Variants in TNNT3 observed in about 807,000 individuals in gnomAD.
TNNT3 encodes troponin T3, fast skeletal type.
TNNT3 carries 36 observed loss-of-function variants against 54.2 expected under a neutral mutation model. The observed-to-expected ratio is 0.66, with a 90% CI of 0.51 to 0.88. The LOEUF (loss-of-function observed/expected upper bound fraction) is 0.88, where lower values mean the gene tolerates loss of function less well. Ranked by LOEUF, TNNT3 falls within the 40% of genes least tolerant of loss-of-function variation. The probability of loss-of-function intolerance (pLI) is 0.00; values close to 1 mark genes in which losing one functional copy is unlikely to be tolerated. For missense variants in TNNT3, 291 were observed against 331.6 expected (o/e 0.88, Z 0.95); for synonymous variants, 120 against 109.7 (o/e 1.09, Z -0.59).
intron 8 of TNNT3, among the ~76,000 whole-genome samples, chr11:1,930,584 C>T (rs536015118): frequency 1.3e-5 from 2 of 152,306 alleles, no homozygotes; most frequent in African/African-American, 4.8e-5. Context: ...GCACTCGCTA[C>T]GTGATTCACC....
intron 3 of TNNT3, 26 bp from the exon 4 acceptor site, chr11:1,923,529 C>G: frequency 6.2e-7 from 1 of 1,613,898 alleles, no homozygotes; most frequent in South Asian, 1.1e-5. Context: ...TAACGTGGTT[C>G]CCCTCTTTGT....
intron 4 of TNNT3, chr11:1,924,858 G>T (rs905494872): frequency 1.8e-5 from 11 of 623,674 alleles, no homozygotes; most frequent in Non-Finnish European, 3.2e-5. Flanking sequence ...CCCCTCTCAG[G>T]GGCCGGGCCC....
At chr11:1,935,111 C>T (rs1854586873) in intron 14 of TNNT3, 192 bp downstream of exon 14, 3 of 665,460 alleles carry the variant, frequency 4.5e-6, no homozygotes, top group Non-Finnish European at 5.4e-6. Flanking sequence ...GGCCAGAGCC[C>T]GTCCTCCTGG....
chr11:1,936,880 C>A (rs1360325619), intron 14 of TNNT3, 83 bp from the exon 15 acceptor site: 2 of 1,462,470 alleles, frequency 1.4e-6, no homozygotes, highest in South Asian at 1.2e-5. Flanking sequence ...CCCAGCCCAC[C>A]CTGCGGTGGA....
Position 1,934,007 on chromosome 11 carries a change from C to T in TNNT3, c.365C>T (p.Ala122Val), listed in dbSNP as rs774521719. 13 of 1,611,474 alleles carry T rather than the reference C, an allele frequency of 8.1e-6. No individual in the cohort carries two copies. The highest frequency in any genetic ancestry group is 2.2e-5 in the East Asian group (1 of 44,876). Residue 122 changes from alanine to valine, a missense_variant and splice_region_variant, in exon 11 of 16, where the codon GCG becomes GTG. By Grantham distance (64) the Ala-to-Val change is moderately conservative (BLOSUM62 0). Coordinates refer to ENST00000278317, the MANE Select transcript of TNNT3 (RefSeq NM_006757.4). ...GAGAGGGAGCGCCAGAACAGACTGG[C>T]GGTGAGGGCACCATCCGCACTGCTG... ...EKERERQNRL[A>V]EEKARREEED...
intron 3 of TNNT3, 28 bp downstream of exon 3, chr11:1,923,089 C>T (rs1476357082): frequency 6.2e-7 from 1 of 1,613,906 alleles, no homozygotes; most frequent in Admixed American, 1.7e-5. Context: ...TTTCTTTCTA[C>T]TTCCTGCTCT....
chr11:1,931,063 C>T (rs2133397677), intron 8 of TNNT3, among the ~76,000 whole-genome samples: 1 of 152,312 alleles, frequency 6.6e-6, no homozygotes, highest in East Asian at 1.9e-4. Flanking sequence ...TCTCTACGGC[C>T]TTGAATTCTG....
chr11:1,926,527 G>A, intron 5 of TNNT3, 168 bp from the exon 6 acceptor site: 1 of 1,612,944 alleles, frequency 6.2e-7, no homozygotes, highest in Non-Finnish European at 8.5e-7. Context: ...TGGCCATGTG[G>A]GGGGTGCAGG....
At chr11:1,934,140 G>A (rs1186042116) in intron 11 of TNNT3, 132 bp downstream of exon 11, 15 of 1,163,216 alleles carry the variant, frequency 1.3e-5, no homozygotes, top group Non-Finnish European at 1.8e-5. Context: ...ACTGGCTAAG[G>A]CCCCGGCGCC....
chr11:1,925,122 T>C lies in TNNT3; in HGVS notation c.67+6T>C, dbSNP rs1851170587. The C allele has an allele frequency of 6.2e-7, 1 of 1,612,904 alleles. No individual in the cohort carries two copies. The highest frequency in any genetic ancestry group is 8.5e-7 in the Non-Finnish European group (1 of 1,179,856). On this transcript the variant is annotated splice_donor_region_variant and intron_variant, in intron 5 of 15. Transcript: ENST00000278317. ...AGAGGAAGCCCAGGAGGAAGGTAAG[T>C]GGGGTCCAAGGCCCCGGCCCCCATG...
At chr11:1,923,957 C>T (rs1289490925) in intron 4 of TNNT3, among the ~76,000 whole-genome samples, 1 of 146,516 alleles carries the variant, frequency 6.8e-6, no homozygotes, top group Non-Finnish European at 1.5e-5. Context: ...TGTCTCTCTG[C>T]CTCTCTCTCT....
Position 1,932,449 on chromosome 11 carries a change from C to A in TNNT3, c.126-20C>A. ...GGGTCTCCGGGTCTCTGCTCACGGG[C>A]CTCTCTGTCTCCTCTTCAGACTCAC... On this transcript the variant is annotated intron_variant, in intron 8 of 15. Coordinates refer to ENST00000278317, the MANE Select transcript of TNNT3 (RefSeq NM_006757.4). The A allele has an allele frequency of 6.2e-7, 1 of 1,613,218 alleles. No homozygotes were observed.
intron 5 of TNNT3, chr11:1,926,420 T>C: frequency 6.2e-7 from 1 of 1,612,792 alleles, no homozygotes; most frequent in Middle Eastern, 1.6e-4. Flanking sequence ...TCCATTGACC[T>C]CTGACCCGCG....
intron 14 of TNNT3, chr11:1,935,326 C>T (rs1854669141): frequency 9.1e-6 from 3 of 328,662 alleles, no homozygotes; most frequent in South Asian, 2.6e-5. Context: ...GGCGTCCTTT[C>T]GACAGAGCCT....
chr11:1,930,365 A>G (rs962694473), intron 8 of TNNT3, among the ~76,000 whole-genome samples: 1 of 152,148 alleles, frequency 6.6e-6, no homozygotes, highest in Non-Finnish European at 1.5e-5. Context: ...AAGTGGAGAA[A>G]GGTGGGGGAC....
At chr11:1,929,200 G>T in intron 7 of TNNT3, 57 bp downstream of exon 7, 1 of 1,598,028 alleles carries the variant, frequency 6.3e-7, no homozygotes, top group Middle Eastern at 1.7e-4. Context: ...CCGACGCGAG[G>T]GAAAGAGGAC....
chr11:1,931,328 G>A (rs1853281127), intron 8 of TNNT3, among the ~76,000 whole-genome samples: 1 of 152,258 alleles, frequency 6.6e-6, no homozygotes, highest in Non-Finnish European at 1.5e-5. Flanking sequence ...GAGTATGAAT[G>A]TTCTTAAGGC....
chr11:1,937,105 C>A, intron 15 of TNNT3, 102 bp downstream of exon 15: 1 of 1,314,956 alleles, frequency 7.6e-7, no homozygotes, highest in Non-Finnish European at 1.1e-6. Flanking sequence ...CTGGCCTCGG[C>A]AGGGCAGTAA....
At position 1,938,436 on chromosome 11, in the gene TNNT3, A is replaced by G. The variant is rs1855785074; in HGVS notation, c.723-2A>G. On this transcript the variant is annotated splice_acceptor_variant, in intron 15 of 15. Transcript: ENST00000278317. LOFTEE classifies it high-confidence loss of function. ...GAAGGATCACTTGCTTCCCATTTGCAGCAGCAAGAAGGCTGGGACCCCAGC... is the reference window on the plus strand; with the variant it reads ...GAAGGATCACTTGCTTCCCATTTGCGGCAGCAAGAAGGCTGGGACCCCAGC... The G allele has an allele frequency of 6.2e-7, 1 of 1,613,246 alleles. No individual in the cohort carries two copies. The highest frequency in any genetic ancestry group is 8.5e-7 in the Non-Finnish European group (1 of 1,179,898).
Sources: gnomAD v4.1 joint callset for allele counts (sites outside exome capture counted in the v4.1 genomes callset) on GRCh38, gnomAD v4.1.1 for gene constraint, MANE v1.5 for transcripts, NCBI Gene and HGNC (gene_info 2026-07-23, HGNC 2026-07-21) for gene names.